Variants in KIAA1328 observed in about 807,000 individuals in gnomAD.
The protein encoded by KIAA1328 is protein hinderin.
A neutral mutation model predicts 68.1 loss-of-function variants in KIAA1328; 52 were observed. That is an observed-to-expected ratio of 0.76 (90% CI 0.61 to 0.96). The LOEUF is 0.96. KIAA1328 is among the 40% of genes least tolerant of loss of function. KIAA1328 has a pLI of 0.00. For synonymous variants in KIAA1328, 232 were observed against 239.4 expected (o/e 0.97, Z 0.28); for missense variants, 641 against 677.6 (o/e 0.95, Z 0.60).
intron 4 of KIAA1328, among the ~76,000 whole-genome samples, chr18:36,853,521 G>T (rs1276237191): frequency 6.6e-6 from 1 of 151,808 alleles, no homozygotes; most frequent in Non-Finnish European, 1.5e-5. Context: ...TAGTAAATTT[G>T]TGACACTCTA....
At chr18:37,172,218 A>G (rs2059513909) in intron 8 of KIAA1328, among the ~76,000 whole-genome samples, 1 of 152,228 alleles carries the variant, frequency 6.6e-6, no homozygotes. Flanking sequence ...TTTTCAGAGA[A>G]CCAGAAGAAA....
intron 6 of KIAA1328, among the ~76,000 whole-genome samples, chr18:37,008,462 G>T (rs563786327): frequency 6.6e-6 from 1 of 152,042 alleles, no homozygotes; most frequent in African/African-American, 2.4e-5. Flanking sequence ...CATAGCCTGC[G>T]CAACATAACA....
intron 6 of KIAA1328, among the ~76,000 whole-genome samples, chr18:36,970,961 A>G (rs1192146250): frequency 1.3e-5 from 2 of 152,218 alleles, no homozygotes; most frequent in Admixed American, 6.5e-5. Context: ...TTTAAATTTC[A>G]TATGGAACCA....
At chr18:37,100,040 C>A (rs1229718503) in intron 7 of KIAA1328, among the ~76,000 whole-genome samples, 1 of 152,152 alleles carries the variant, frequency 6.6e-6, no homozygotes, top group African/African-American at 2.4e-5. Flanking sequence ...ATTTGCCAGT[C>A]TGTGTCTTTT....
intron 9 of KIAA1328, among the ~76,000 whole-genome samples, chr18:37,180,118 G>A (rs1432045913): frequency 7.1e-6 from 1 of 141,708 alleles, no homozygotes; most frequent in African/African-American, 2.6e-5. Flanking sequence ...TTTTATACTG[G>A]GAACAAAAAT....
At chr18:36,838,431 C>A (rs562010269) in intron 3 of KIAA1328, among the ~76,000 whole-genome samples, 1 of 152,222 alleles carries the variant, frequency 6.6e-6, no homozygotes, top group South Asian at 2.1e-4. Flanking sequence ...TAAAAGACTT[C>A]CTTTAACATT....
intron 5 of KIAA1328, among the ~76,000 whole-genome samples, chr18:36,950,957 C>T (rs1255599514): frequency 6.6e-6 from 1 of 152,226 alleles, no homozygotes; most frequent in East Asian, 1.9e-4. Context: ...TAATGTCAAA[C>T]TGATGTTTTG....
At chr18:36,921,505 G>C (rs1162593186) in intron 5 of KIAA1328, among the ~76,000 whole-genome samples, 1 of 152,044 alleles carries the variant, frequency 6.6e-6, no homozygotes, top group Non-Finnish European at 1.5e-5. Context: ...CCGGGTTCAC[G>C]CCATTCCTCT....
intron 5 of KIAA1328, among the ~76,000 whole-genome samples, chr18:36,949,682 A>G (rs1245325658): frequency 1.4e-5 from 2 of 144,884 alleles, no homozygotes. Flanking sequence ...AGCTAGTTAA[A>G]TACTCTAATT....
At chr18:37,043,953 C>A (rs1029431419) in intron 6 of KIAA1328, among the ~76,000 whole-genome samples, 1 of 152,096 alleles carries the variant, frequency 6.6e-6, no homozygotes, top group African/African-American at 2.4e-5. Flanking sequence ...TAAAAGTAAC[C>A]ATGGTATGCA....
At chr18:37,169,044 T>C (rs1010570515) in intron 8 of KIAA1328, among the ~76,000 whole-genome samples, 2 of 152,082 alleles carry the variant, frequency 1.3e-5, no homozygotes. Flanking sequence ...TATATGTGCG[T>C]GTTTATGTAA....
chr18:37,003,917 C>T (rs1018973480), intron 6 of KIAA1328, among the ~76,000 whole-genome samples: 3 of 151,902 alleles, frequency 2.0e-5, no homozygotes, highest in Non-Finnish European at 4.4e-5. Flanking sequence ...TTTATTTCTG[C>T]GTTCTCCATT....
intron 4 of KIAA1328, among the ~76,000 whole-genome samples, chr18:36,869,970 C>T (rs1242409333): frequency 6.6e-6 from 1 of 151,984 alleles, no homozygotes; most frequent in Non-Finnish European, 1.5e-5. Flanking sequence ...TCAAGAGAGT[C>T]TCCTCCCTCA....
At chr18:37,066,744 A>T in intron 6 of KIAA1328, 146 bp from the exon 7 acceptor site, 1 of 706,274 alleles carries the variant, frequency 1.4e-6, no homozygotes, top group Non-Finnish European at 2.3e-6. Context: ...AAGTCTGTTT[A>T]GCTGTGTGAA....
intron 1 of KIAA1328, among the ~76,000 whole-genome samples, chr18:36,829,838 A>C (rs1476021835): frequency 6.6e-6 from 1 of 152,090 alleles, no homozygotes; most frequent in Non-Finnish European, 1.5e-5. Flanking sequence ...GCAGTCATTG[A>C]AGTTCTTGGA....
intron 9 of KIAA1328, among the ~76,000 whole-genome samples, chr18:37,190,198 G>C (rs2059879351): frequency 1.3e-5 from 2 of 152,160 alleles, no homozygotes; most frequent in Non-Finnish European, 2.9e-5. Flanking sequence ...AGAAACCGTA[G>C]TTGGTCCCCC....
At chr18:37,169,228 C>T (rs1043373087) in intron 8 of KIAA1328, among the ~76,000 whole-genome samples, 6 of 150,946 alleles carry the variant, frequency 4.0e-5, no homozygotes, top group Non-Finnish European at 8.8e-5. Flanking sequence ...TGCAGTGGCA[C>T]GATCTCGGCT....
chr18:37,151,657 G>A (rs1278884296), intron 7 of KIAA1328, among the ~76,000 whole-genome samples: 1 of 152,060 alleles, frequency 6.6e-6, no homozygotes, highest in African/African-American at 2.4e-5. Context: ...TGACGGTGGT[G>A]CCAAGCAATT....
intron 7 of KIAA1328, among the ~76,000 whole-genome samples, chr18:37,077,812 C>T (rs2056797958): frequency 1.3e-5 from 2 of 150,910 alleles, no homozygotes; most frequent in Non-Finnish European, 2.9e-5. Flanking sequence ...CAAACCACTG[C>T]TCAATGAAAT....
Sources: gnomAD v4.1 joint callset for allele counts (sites outside exome capture counted in the v4.1 genomes callset) on GRCh38, gnomAD v4.1.1 for gene constraint, MANE v1.5 for transcripts, NCBI Gene and HGNC (gene_info 2026-07-23, HGNC 2026-07-21) for gene names.